The following TSPEAR variants were observed in gnomAD, a reference collection of about 807,000 sequenced individuals.
TSPEAR encodes thrombospondin-type laminin G domain and EAR repeat-containing protein.
In TSPEAR, 69 loss-of-function variants were observed where a neutral mutation model predicts 71.6. That is an observed-to-expected ratio of 0.96 (90% CI 0.79 to 1.18). The LOEUF (loss-of-function observed/expected upper bound fraction) is 1.18, where lower values mean the gene tolerates loss of function less well. Ranked by LOEUF, TSPEAR falls within the 50% of genes most tolerant of loss-of-function variation. The pLI, the probability that TSPEAR is intolerant of heterozygous loss-of-function variation, is 0.00. For synonymous variants in TSPEAR, 402 were observed against 387.2 expected (o/e 1.04, Z -0.45); for missense variants, 971 against 894.9 (o/e 1.09, Z -1.09).
chr21:44,528,030 G>A (rs1197704176), intron 6 of TSPEAR, among the ~76,000 whole-genome samples: 6 of 152,082 alleles, frequency 3.9e-5, no homozygotes, highest in African/African-American at 7.2e-5. Flanking sequence ...GGCGGCAGCC[G>A]GGCCACCCTA....
chr21:44,560,806 C>A (rs1401050929), intron 2 of TSPEAR, among the ~76,000 whole-genome samples: 1 of 152,224 alleles, frequency 6.6e-6, no homozygotes, highest in East Asian at 1.9e-4. Flanking sequence ...GACAATGTCC[C>A]AGAATCTCTG....
rs587655245 is a variant in TSPEAR at position 44,642,513 on chromosome 21, T to G, written c.82+68920A>C. 1.9e-4 allele frequency among the ~76,000 whole-genome samples: 29 copies of G among 152,322 alleles called. No individual in the cohort carries two copies. In the South Asian group the frequency reaches 5.8e-3, roughly 30 times the overall value. The stretch of plus-strand genomic sequence containing the variant: ...TAACAGAAAACTAAGCCACTATGTA[T>G]AGCCATTATGGGAAATAGTACGGAA... On this transcript the variant is annotated intron_variant, in intron 1 of 11. Coordinates refer to ENST00000323084, the MANE Select transcript of TSPEAR (RefSeq NM_144991.3). This position sits in a 1 kb window ranked among gnomAD's most constrained non-coding sequence, Gnocchi z 4.1.
intron 1 of TSPEAR, among the ~76,000 whole-genome samples, chr21:44,586,418 T>C (rs587736552): frequency 2.0e-5 from 3 of 152,260 alleles, no homozygotes; most frequent in Non-Finnish European, 4.4e-5. Flanking sequence ...GGTGGAGGCA[T>C]TGGGGAGTAG....
intron 1 of TSPEAR, among the ~76,000 whole-genome samples, chr21:44,656,232 G>A (rs1372418965): frequency 3.3e-5 from 5 of 152,210 alleles, no homozygotes; most frequent in Admixed American, 2.0e-4. Flanking sequence ...ACAAGGATGC[G>A]TCTTTGATAT....
At chr21:44,635,589 G>C (rs966412850) in intron 1 of TSPEAR, among the ~76,000 whole-genome samples, 1 of 152,092 alleles carries the variant, frequency 6.6e-6, no homozygotes, top group Non-Finnish European at 1.5e-5. Context: ...CCATGACTGC[G>C]TCTATATGAA....
chr21:44,520,724 T>C lies in TSPEAR; in HGVS notation c.1566+1159A>G, dbSNP rs1250552020. 2 of 152,268 alleles carry C rather than the reference T, an allele frequency of 1.3e-5. No individual in the cohort carries two copies. Among genetic ancestry groups the C allele is most frequent in the Admixed American group, 6.5e-5 (1 of 15,290 alleles). 9.4% of individuals were successfully genotyped at this position (152,268 alleles called of 1,614,324 possible). ...CCTTCTGTTTTGAAGCTCATTCCCA[T>C]GTGCTACCTGCAGGCTTGCTCTAAT... On this transcript the variant is annotated intron_variant, in intron 9 of 11. Coordinates refer to ENST00000323084, the MANE Select transcript of TSPEAR (RefSeq NM_144991.3). The surrounding 1 kb of genome is among the most constrained non-coding windows in gnomAD (Gnocchi z 4.2).
In TSPEAR at chr21:44,637,796, T is replaced by A. The variant is rs782520714; in HGVS notation, c.83-69791A>T. The A allele has an allele frequency of 3.7e-6, 5 of 1,361,842 alleles. No individual in the cohort carries two copies. In the East Asian group the frequency reaches 1.2e-4, roughly 32 times the overall value. The allele number at this position is 1,361,842 out of a possible 1,614,324, so 84.4% of individuals were successfully genotyped here. A position where few individuals can be genotyped will look rare whatever the true frequency, so the allele number is the denominator to read the frequency against. ...CTGCTCCGAGTCTTCCCCTTCATGC[T>A]GCCAGCAGTCTAGCTGCCAGCCAAC... is the stretch of plus-strand genomic sequence containing the variant. On this transcript the variant is annotated intron_variant, in intron 1 of 11. Transcript: ENST00000323084.
At chr21:44,650,420 C>CAGCGGCAGAGACTGGGGCCACGTGACGAT (rs1555941197) in intron 1 of TSPEAR, among the ~76,000 whole-genome samples, 125 of 149,544 alleles carry the variant, frequency 8.4e-4, no homozygotes, top group Non-Finnish European at 1.4e-3. Context: ...CATGTGACGA[C>CAGCGGCAGAGACTGGGGCCACGTGACGAT]GGCGGCAGAG....
intron 1 of TSPEAR, among the ~76,000 whole-genome samples, chr21:44,698,829 C>T (rs1555951139): frequency 6.6e-6 from 1 of 152,204 alleles, no homozygotes; most frequent in East Asian, 1.9e-4. Flanking sequence ...CTGCCCAGAT[C>T]ATGAATATCT....
At chr21:44,628,237 G>A in intron 1 of TSPEAR, 3 of 643,656 alleles carry the variant, frequency 4.7e-6, no homozygotes, top group Non-Finnish European at 7.9e-6. Context: ...GGCGAGCCCT[G>A]GCTTCTCCTC....
At chr21:44,631,100 G>A (rs587762505) in intron 1 of TSPEAR, among the ~76,000 whole-genome samples, 41 of 151,878 alleles carry the variant, frequency 2.7e-4, no homozygotes, top group African/African-American at 9.2e-4. Context: ...GCCAAGTAGT[G>A]AAAAATGTCC....
At chr21:44,577,525 G>A (rs1978541545) in intron 1 of TSPEAR, among the ~76,000 whole-genome samples, 1 of 152,134 alleles carries the variant, frequency 6.6e-6, no homozygotes, top group African/African-American at 2.4e-5. Flanking sequence ...CCAGGCTCTT[G>A]TAAACAACCA....
intron 1 of TSPEAR, among the ~76,000 whole-genome samples, chr21:44,626,859 C>T (rs1444487677): frequency 6.6e-6 from 1 of 151,622 alleles, no homozygotes. Flanking sequence ...GCCGTCCTTG[C>T]CTCCAGAACC....
chr21:44,513,934 C>T (rs1481636030), intron 9 of TSPEAR, among the ~76,000 whole-genome samples: 16 of 152,280 alleles, frequency 1.1e-4, no homozygotes, highest in Non-Finnish European at 4.4e-5. Context: ...TACTGGATGA[C>T]AGGTGACTCC....
chr21:44,681,577 T>G, intron 1 of TSPEAR: 1 of 481,288 alleles, frequency 2.1e-6, no homozygotes, highest in Non-Finnish European at 3.6e-6. Flanking sequence ...AACGCAGAGT[T>G]GCATGGGGAA....
At position 44,612,450 on chromosome 21, in the gene TSPEAR, C is replaced by A. The variant is rs1392223800; in HGVS notation, c.83-44445G>T. Reference sequence around the variant, plus strand: ...TGCACCTCCTCCCCCTGCCAACAGGCCTGCTGTGTGCCTGTGTGCTGCAAG... The same window carrying A: ...TGCACCTCCTCCCCCTGCCAACAGGACTGCTGTGTGCCTGTGTGCTGCAAG... On this transcript the variant is annotated intron_variant, in intron 1 of 11. Transcript: ENST00000323084. This position sits in a 1 kb window ranked among gnomAD's most constrained non-coding sequence, Gnocchi z 4.1. 3.7e-6 allele frequency: 6 copies of A among 1,613,906 alleles called. No homozygotes were observed. The African/African-American group carries it at 5.3e-5, about 14-fold the overall frequency.
chr21:44,701,430 T>C (rs1367007117), intron 1 of TSPEAR, among the ~76,000 whole-genome samples: 1 of 152,220 alleles, frequency 6.6e-6, no homozygotes, highest in Non-Finnish European at 1.5e-5. Flanking sequence ...TTGGGGATGA[T>C]TCAAGCGCAT....
intron 2 of TSPEAR, among the ~76,000 whole-genome samples, chr21:44,542,315 T>C (rs1158523921): frequency 1.3e-5 from 2 of 152,194 alleles, no homozygotes; most frequent in African/African-American, 4.8e-5. Context: ...GCAATAAACA[T>C]GCCTATATTT....
intron 1 of TSPEAR, among the ~76,000 whole-genome samples, chr21:44,699,555 C>G (rs1261095905): frequency 1.3e-5 from 2 of 152,062 alleles, no homozygotes; most frequent in Non-Finnish European, 2.9e-5. Context: ...TCCCTCTTCC[C>G]ACAGCTGGCC....
Sources: allele counts gnomAD v4.1 joint callset (sites outside exome capture counted in the v4.1 genomes callset), GRCh38; gene constraint gnomAD v4.1.1; non-coding constraint Gnocchi (gnomAD v3.1); transcripts MANE v1.5; gene names NCBI Gene and HGNC (gene_info 2026-07-23, HGNC 2026-07-21).